The following LRRC75B variants were observed in gnomAD, a reference collection of about 807,000 sequenced individuals.
The protein encoded by LRRC75B is leucine rich repeat containing 75B.
In LRRC75B, 20 loss-of-function variants were observed where a neutral mutation model predicts 16.5. The observed-to-expected ratio is 1.21, with a 90% CI of 0.85 to 1.76. The LOEUF (loss-of-function observed/expected upper bound fraction) is 1.76, where lower values mean the gene tolerates loss of function less well. LRRC75B is among the 40% of genes most tolerant of loss of function. LRRC75B has a pLI of 0.00. For missense variants in LRRC75B, 406 were observed against 417.0 expected, an observed-to-expected ratio of 0.97 and a Z score of 0.23; for synonymous variants, 199 against 198.1, an observed-to-expected ratio of 1.00 and a Z score of -0.04.
In LRRC75B at chr22:24,588,289, T is replaced by C; in HGVS notation, c.347A>G (p.Gln116Arg). The change falls in exon 3 of 4, where the codon CAG becomes CGG. Residue 116 changes from glutamine (Q) to arginine (R), a missense_variant. Gln to Arg is a conservative substitution (Grantham distance 43). Coordinates refer to ENST00000318753, the MANE Select transcript of LRRC75B (RefSeq NM_207644.3). ...LWKSSDKICR[Q>R]LIYHLTPHSK... The stretch of plus-strand genomic sequence containing the variant: ...GTGAGGGGTGAGGTGGTAGATGAGC[T>C]GTCGGCAGATCTTGTCCGAGGACTT... 1 of 1,613,632 alleles carries C rather than the reference T, an allele frequency of 6.2e-7. No individual in the cohort carries two copies. The highest frequency in any genetic ancestry group is 8.5e-7 in the Non-Finnish European group (1 of 1,179,916).
chr22:24,592,306 G>A (rs966865751), intron 1 of LRRC75B: 34 of 469,714 alleles, frequency 7.2e-5, no homozygotes, highest in South Asian at 5.1e-4. Context: ...TGAGCCGCCT[G>A]TTGGAGAACT....
chr22:24,588,072 A>C, intron 3 of LRRC75B, 142 bp downstream of exon 3: 6 of 663,624 alleles, frequency 9.0e-6, no homozygotes, highest in Non-Finnish European at 1.6e-5. Flanking sequence ...GCTGACTTCC[A>C]GGGTAGGGCC....
In LRRC75B at chr22:24,589,947, G is replaced by A. The variant is rs2045519320; in HGVS notation, c.180C>T (p.Asp60=). 1 of 1,592,816 alleles carries A rather than the reference G, an allele frequency of 6.3e-7. No homozygotes were observed. Among genetic ancestry groups the A allele is most frequent in the Non-Finnish European group, 8.5e-7 (1 of 1,169,876 alleles). The change falls in exon 2 of 4, where the codon GAC becomes GAT. Residue 60 remains aspartate (D), a splice_region_variant and synonymous_variant. Coordinates refer to ENST00000318753, the MANE Select transcript of LRRC75B (RefSeq NM_207644.3). The stretch of plus-strand genomic sequence containing the variant: ...GAAGGAGGGTCCTCTCAAGGCCCAG[G>A]TCCTGTGAGTGGTGAAGAGAGAGTT... ...ARQLLRLLRQ[D]LGLERTLLPD...
At chr22:24,589,425 G>A in intron 2 of LRRC75B, 1 of 1,000,254 alleles carries the variant, frequency 1.0e-6, no homozygotes, top group Non-Finnish European at 1.2e-6. Context: ...AGCCGAGAGC[G>A]GCTCTCTTCT....
chr22:24,588,675 T>A (rs773667026), intron 2 of LRRC75B: 1 of 1,109,122 alleles, frequency 9.0e-7, no homozygotes, highest in Admixed American at 4.1e-5. Context: ...CTTCGGGGAC[T>A]TGCCACAGGG....
At chr22:24,589,755 C>G in intron 2 of LRRC75B, 66 bp downstream of exon 2, 2 of 1,502,690 alleles carry the variant, frequency 1.3e-6, no homozygotes, top group South Asian at 1.3e-5. Flanking sequence ...GTCCCCAGCC[C>G]TGGGCTCTGT....
Position 24,592,995 on chromosome 22 carries a change from A to G in LRRC75B, c.45T>C (p.Ser15=). The G allele has an allele frequency of 8.7e-7, 1 of 1,149,378 alleles. No homozygotes were observed. The highest frequency in any genetic ancestry group is 1.1e-6 in the Non-Finnish European group (1 of 935,368). The allele number at this position is 1,149,378 out of a possible 1,614,324, so 71.2% of individuals were successfully genotyped here. The change falls in exon 1 of 4, where the codon TCT becomes TCC. Residue 15 remains serine, a synonymous_variant. Coordinates refer to ENST00000318753, the MANE Select transcript of LRRC75B (RefSeq NM_207644.3). The stretch of plus-strand genomic sequence containing the variant: ...CGCAGCCGGCCGCCGCCCCGGCCTC[A>G]GAGCCAGCCTCGGGCCCGGCCCGCC... ...LGRRAGPEAG[S]EAGAAAGCGP...
rs1168676195 is a variant in LRRC75B at position 24,585,877 on chromosome 22, G to A, written c.*9C>T. 4 of 1,569,268 alleles carry A rather than the reference G, an allele frequency of 2.5e-6. No homozygotes were observed. In the South Asian group the frequency reaches 4.6e-5, roughly 18 times the overall value. ...CAAGTCAGTAGCAATGAGCCAGGTG[G>A]GTGGTGGGTCACCTGGCACAGCAGG... On this transcript the variant is annotated 3_prime_UTR_variant, in exon 4 of 4. Transcript: ENST00000318753.
chr22:24,589,949 C>A lies in LRRC75B; in HGVS notation c.178G>T (p.Asp60Tyr). ...AGGAGGGTCCTCTCAAGGCCCAGGTCCTGTGAGTGGTGAAGAGAGAGTTGA... is the reference window on the plus strand; with the variant it reads ...AGGAGGGTCCTCTCAAGGCCCAGGTACTGTGAGTGGTGAAGAGAGAGTTGA... ...ARQLLRLLRQ[D>Y]LGLERTLLPD... The change falls in exon 2 of 4, where the codon GAC becomes TAC. Residue 60 changes from aspartate (D) to tyrosine (Y), a missense_variant and splice_region_variant. Coordinates refer to ENST00000318753, the MANE Select transcript of LRRC75B (RefSeq NM_207644.3). 6.3e-7 allele frequency: 1 copy of A among 1,591,664 alleles called. No individual in the cohort carries two copies. Among genetic ancestry groups the A allele is most frequent in the South Asian group, 1.1e-5 (1 of 87,584 alleles).
At chr22:24,589,381 A>G in intron 2 of LRRC75B, 1 of 1,115,858 alleles carries the variant, frequency 9.0e-7, no homozygotes, top group East Asian at 9.3e-5. Context: ...GGGTGTCTGT[A>G]CAGGATGGAG....
intron 3 of LRRC75B, 22 bp downstream of exon 3, chr22:24,588,192 G>A (rs903645896): frequency 2.6e-6 from 4 of 1,559,084 alleles, no homozygotes; most frequent in Non-Finnish European, 3.5e-6. Context: ...GTGAGGAGGG[G>A]CAGTGGCTGG....
chr22:24,586,790 C>G (rs964981785), intron 3 of LRRC75B, among the ~76,000 whole-genome samples: 1 of 152,240 alleles, frequency 6.6e-6, no homozygotes, highest in East Asian at 1.9e-4. Context: ...CTCAGCCTCC[C>G]AAAGTGCTGG....
rs1174472792 is a variant in LRRC75B, at chr22:24,593,064, C to T, written c.-25G>A. On this transcript the variant is annotated 5_prime_UTR_variant, in exon 1 of 4. Coordinates refer to ENST00000318753, the MANE Select transcript of LRRC75B (RefSeq NM_207644.3). ...TGGCCGCCGCGCGATGGTCGCCGAA[C>T]CCACAGGAGGCCGGGCTGTCTGCGC... The T allele has an allele frequency of 1.9e-6, 2 of 1,037,718 alleles. No individual in the cohort carries two copies. Among genetic ancestry groups the T allele is most frequent in the Non-Finnish European group, 2.3e-6 (2 of 865,004 alleles). 64.3% of individuals were successfully genotyped at this position (1,037,718 alleles called of 1,614,324 possible).
intron 3 of LRRC75B, among the ~76,000 whole-genome samples, chr22:24,587,327 G>A (rs1157030697): frequency 6.6e-6 from 1 of 152,164 alleles, no homozygotes; most frequent in African/African-American, 2.4e-5. Context: ...GAAGTTCAGA[G>A]ACTGAGAAGG....
At position 24,592,948 on chromosome 22, in the gene LRRC75B, C is replaced by A. The variant is rs1291756938; in HGVS notation, c.92G>T (p.Arg31Leu). ...AGCGPAPYER[R>L]VRWLREIQST... Reference sequence around the variant, plus strand: ...CTGGATCTCGCGGAGCCACCGCACCCGGCGCTCGTAGGGCGCGGGCCCGCA... The same window carrying A: ...CTGGATCTCGCGGAGCCACCGCACCAGGCGCTCGTAGGGCGCGGGCCCGCA... Residue 31 changes from arginine to leucine, a missense_variant, in exon 1 of 4, where the codon CGG (arginine) becomes CTG (leucine). Transcript: ENST00000318753. The A allele has an allele frequency of 4.9e-6, 6 of 1,223,474 alleles. No homozygotes were observed. The highest frequency in any genetic ancestry group is 6.1e-6 in the Non-Finnish European group (6 of 979,604). The allele number at this position is 1,223,474 out of a possible 1,614,324, so 75.8% of individuals were successfully genotyped here.
chr22:24,585,926 G>A lies in LRRC75B; in HGVS notation c.908C>T (p.Ala303Val), dbSNP rs768141965. 16 of 1,606,502 alleles carry A rather than the reference G, an allele frequency of 1.0e-5. No homozygotes were observed. The South Asian group carries it at 1.5e-4, about 15-fold the overall frequency. ...GGCCTGGGGCTCGGGTCCCAGCCCA[G>A]CAGCTGTGGAGTCCCAGGTGGAGGC... ...TPASTWDSTA[A>V]GLGPEPQACC... The change falls in exon 4 of 4, where the codon GCT becomes GTT. Residue 303 changes from alanine to valine, a missense_variant. Ala to Val is a moderately conservative substitution (Grantham distance 64, BLOSUM62 0). Coordinates refer to ENST00000318753, the MANE Select transcript of LRRC75B (RefSeq NM_207644.3).
Position 24,586,317 on chromosome 22 carries a change from G to A in LRRC75B, c.517C>T (p.Arg173Cys), listed in dbSNP as rs577321478. 8 of 1,613,990 alleles carry A rather than the reference G, an allele frequency of 5.0e-6. No individual in the cohort carries two copies. In the Admixed American group the frequency reaches 5.0e-5, roughly 10 times the overall value. Reference protein sequence around the residue: ...LSTQDVQHITRYLSSHGAVLA... With the variant: ...LSTQDVQHITCYLSSHGAVLA... ...ACAGCACCATGGCTGCTCAGGTAGC[G>A]TGTGATGTGTTGCACGTCCTGTGTC... Residue 173 changes from arginine (R) to cysteine (C), a missense_variant, in exon 4 of 4, where the codon CGC becomes TGC. By Grantham distance (180) the Arg-to-Cys change is radical. Transcript: ENST00000318753.
At chr22:24,588,758 C>G in intron 2 of LRRC75B, 1 of 1,036,064 alleles carries the variant, frequency 9.7e-7, no homozygotes, top group Non-Finnish European at 1.2e-6. Context: ...AGGAACAAGC[C>G]AGGTCAGCGT....
At chr22:24,588,629 G>T in intron 2 of LRRC75B, 3 of 1,096,684 alleles carry the variant, frequency 2.7e-6, no homozygotes, top group Non-Finnish European at 3.5e-6. Context: ...CCAGCGTCTC[G>T]GGCTATCAGC....
Sources: allele counts gnomAD v4.1 joint callset (sites outside exome capture counted in the v4.1 genomes callset), GRCh38; gene constraint gnomAD v4.1.1; transcripts MANE v1.5; gene names NCBI Gene and HGNC (gene_info 2026-07-23, HGNC 2026-07-21).